LOC400499: variants seen among roughly 807,000 people sequenced by gnomAD.
chr16:11,500,823 G>T, the LOC400499 span: 40 of 398,944 alleles, frequency 1.0e-4, no homozygotes, highest in Middle Eastern at 6.2e-4. Flanking sequence ...GTGGACCATA[G>T]CATCTGTGGG....
chr16:11,450,324 A>G, the LOC400499 span, among the ~76,000 whole-genome samples: 13 of 152,366 alleles, frequency 8.5e-5, no homozygotes, highest in South Asian at 2.1e-4. Context: ...CCGAATGTCC[A>G]TCTGTTTCCA....
chr16:11,388,600 C>G, the LOC400499 span, among the ~76,000 whole-genome samples: 26 of 152,268 alleles, frequency 1.7e-4, no homozygotes, highest in Admixed American at 5.9e-4. Flanking sequence ...TGGGCTCCCC[C>G]CTTCTATCCA....
the LOC400499 span, chr16:11,462,277 C>G: frequency 5.3e-6 from 8 of 1,509,812 alleles, 2 homozygotes; most frequent in South Asian, 8.6e-5. Flanking sequence ...CCTCGCCACC[C>G]ATGGCTGGCT....
the LOC400499 span, among the ~76,000 whole-genome samples, chr16:11,507,161 A>G: frequency 0.064 from 9,682 of 152,256 alleles, 802 homozygotes; most frequent in African/African-American, 0.19. Flanking sequence ...CAAAGAATGC[A>G]GTGCTGTCTT....
At chr16:11,511,518 A>G in the LOC400499 span, among the ~76,000 whole-genome samples, 1 of 152,216 alleles carries the variant, frequency 6.6e-6, no homozygotes, top group Non-Finnish European at 1.5e-5. Context: ...GCAATGAAAA[A>G]GAAAAAAATC....
chr16:11,383,999 C>G, the LOC400499 span: 1 of 1,231,802 alleles, frequency 8.1e-7, no homozygotes, highest in East Asian at 3.2e-5. Flanking sequence ...GCCCTGCAGT[C>G]ACCACCCACC....
chr16:11,514,512 C>G, the LOC400499 span: 1 of 399,648 alleles, frequency 2.5e-6, no homozygotes, highest in Non-Finnish European at 4.4e-6. Flanking sequence ...AAGCTCTGGA[C>G]GCAGGTCAGG....
the LOC400499 span, among the ~76,000 whole-genome samples, chr16:11,434,510 C>T: frequency 1.3e-5 from 2 of 152,092 alleles, no homozygotes; most frequent in Non-Finnish European, 2.9e-5. Flanking sequence ...GAGTCAGAAC[C>T]GAGACCATTT....
At chr16:11,468,623 GCTTTTT>G in the LOC400499 span, among the ~76,000 whole-genome samples, 5 of 151,636 alleles carry the variant, frequency 3.3e-5, no homozygotes, top group Admixed American at 1.3e-4. Flanking sequence ...GTCATACCTG[GCTTTTT>G]CTTTCTTTCT....
At chr16:11,479,419 C>T in the LOC400499 span, among the ~76,000 whole-genome samples, 2 of 150,972 alleles carry the variant, frequency 1.3e-5, no homozygotes, top group African/African-American at 4.9e-5. Context: ...TTAAGACCAA[C>T]CTGGACAGCA....
At chr16:11,412,488 G>A in the LOC400499 span, among the ~76,000 whole-genome samples, 9 of 152,328 alleles carry the variant, frequency 5.9e-5, no homozygotes, top group Admixed American at 4.6e-4. Flanking sequence ...TGAGACCTGA[G>A]GGCTAGAGCC....
the LOC400499 span, among the ~76,000 whole-genome samples, chr16:11,512,188 A>G: frequency 9.9e-5 from 15 of 152,146 alleles, no homozygotes; most frequent in African/African-American, 3.6e-4. Flanking sequence ...AGGCTGAGGC[A>G]GGAGAATTGC....
chr16:11,481,194 G>C, the LOC400499 span, among the ~76,000 whole-genome samples: 1 of 152,246 alleles, frequency 6.6e-6, no homozygotes. Flanking sequence ...TTGGAGGCTA[G>C]GAGGAGGGGC....
the LOC400499 span, among the ~76,000 whole-genome samples, chr16:11,444,239 C>T: frequency 6.6e-6 from 1 of 152,090 alleles, no homozygotes; most frequent in African/African-American, 2.4e-5. Flanking sequence ...CTCTACAAAA[C>T]ATCTTAAAAT....
At chr16:11,401,637 C>A in the LOC400499 span, among the ~76,000 whole-genome samples, 1 of 152,250 alleles carries the variant, frequency 6.6e-6, no homozygotes. Context: ...AGAGATGGGA[C>A]TGGAGGTCGC....
chr16:11,426,164 G>A, the LOC400499 span, among the ~76,000 whole-genome samples: 6 of 152,140 alleles, frequency 3.9e-5, no homozygotes, highest in Admixed American at 1.3e-4. Context: ...GGCCAGGCGC[G>A]GTGGCTCACG....
At chr16:11,484,853 A>C in the LOC400499 span, 1 of 399,008 alleles carries the variant, frequency 2.5e-6, no homozygotes, top group Non-Finnish European at 4.4e-6. Flanking sequence ...CTGGGGGAGT[A>C]CAGTGGGTGT....
At chr16:11,432,180 G>A in the LOC400499 span, among the ~76,000 whole-genome samples, 1 of 152,228 alleles carries the variant, frequency 6.6e-6, no homozygotes, top group Admixed American at 6.5e-5. Flanking sequence ...AACTGACTCA[G>A]CTGAAGGCTG....
the LOC400499 span, chr16:11,387,261 G>C: frequency 8.1e-7 from 1 of 1,232,262 alleles, no homozygotes; most frequent in Non-Finnish European, 1.0e-6. Context: ...TCCCCCGCAG[G>C]CAACAGTGGC....
Sources: gnomAD v4.1 joint callset for allele counts (sites outside exome capture counted in the v4.1 genomes callset) on GRCh38, gnomAD v4.1.1 for gene constraint, MANE v1.5 for transcripts.